The following XIRP2 variants were observed in gnomAD, a reference collection of about 807,000 sequenced individuals.
The protein encoded by XIRP2 is xin actin binding repeat containing 2.
XIRP2 carries 236 observed loss-of-function variants against 277.0 expected under a neutral mutation model. The observed-to-expected ratio is 0.85, with a 90% CI of 0.77 to 0.95. The LOEUF (loss-of-function observed/expected upper bound fraction) is 0.95, where lower values mean the gene tolerates loss of function less well. Ranked by LOEUF, XIRP2 falls within the 40% of genes least tolerant of loss-of-function variation. The pLI is 0.00. For missense variants in XIRP2, 4,640 were observed against 4,157.5 expected (o/e 1.12, Z -3.19); for synonymous variants, 1,490 against 1,416.5 (o/e 1.05, Z -1.17).
intron 2 of XIRP2, among the ~76,000 whole-genome samples, chr2:166,947,735 T>C (rs1212710544): frequency 2.6e-5 from 4 of 152,120 alleles, no homozygotes; most frequent in Non-Finnish European, 5.9e-5. Flanking sequence ...TAGCATATGA[T>C]CCAGGACTTG....
intron 2 of XIRP2, among the ~76,000 whole-genome samples, chr2:166,951,913 A>T (rs748056948): frequency 6.6e-6 from 1 of 152,008 alleles, no homozygotes; most frequent in African/African-American, 2.4e-5. Context: ...TGCGTCTCCT[A>T]TGAGAGGCAG....
At chr2:166,914,548 G>A (rs1684810490) in intron 2 of XIRP2, among the ~76,000 whole-genome samples, 1 of 152,020 alleles carries the variant, frequency 6.6e-6, no homozygotes. Flanking sequence ...CACCATGTTA[G>A]CCAGGATGAT....
chr2:166,902,665 T>C (rs1158151384), intron 1 of XIRP2, among the ~76,000 whole-genome samples: 5 of 151,894 alleles, frequency 3.3e-5, no homozygotes, highest in Non-Finnish European at 7.4e-5. Flanking sequence ...TTCCTTATCG[T>C]ACCACAAAAC....
At chr2:167,070,363 C>G (rs1241582424) in intron 2 of XIRP2, among the ~76,000 whole-genome samples, 3 of 152,040 alleles carry the variant, frequency 2.0e-5, no homozygotes, top group Non-Finnish European at 4.4e-5. Flanking sequence ...CTAACAATGC[C>G]CAGTTCCAGA....
At chr2:167,164,186 A>T (rs1692454779) in intron 3 of XIRP2, among the ~76,000 whole-genome samples, 1 of 152,120 alleles carries the variant, frequency 6.6e-6, no homozygotes, top group Non-Finnish European at 1.5e-5. Flanking sequence ...CACGCCTGTA[A>T]TCCCGGCACT....
chr2:167,035,479 C>T (rs1173238533), intron 2 of XIRP2, among the ~76,000 whole-genome samples: 2 of 152,094 alleles, frequency 1.3e-5, no homozygotes, highest in Non-Finnish European at 2.9e-5. Flanking sequence ...TTGCCCCTGC[C>T]TTAGGGATTT....
chr2:167,226,937 A>G (rs957182130), intron 5 of XIRP2, among the ~76,000 whole-genome samples: 2 of 152,148 alleles, frequency 1.3e-5, no homozygotes, highest in Non-Finnish European at 2.9e-5. Context: ...AGCCCTCTTT[A>G]TGCCGGGTTG....
At chr2:166,940,110 C>A (rs1440512046) in intron 2 of XIRP2, among the ~76,000 whole-genome samples, 1 of 152,146 alleles carries the variant, frequency 6.6e-6, no homozygotes, top group Non-Finnish European at 1.5e-5. Context: ...TTTTCTTTCA[C>A]CTAATCCAAT....
intron 2 of XIRP2, among the ~76,000 whole-genome samples, chr2:167,052,721 A>G (rs1289384269): frequency 6.6e-6 from 1 of 152,192 alleles, no homozygotes; most frequent in Admixed American, 6.5e-5. Flanking sequence ...ACCCTGATCC[A>G]AAAGCCATTT....
intron 2 of XIRP2, among the ~76,000 whole-genome samples, chr2:167,061,428 C>A (rs1177131726): frequency 6.6e-6 from 1 of 151,500 alleles, no homozygotes; most frequent in African/African-American, 2.4e-5. Flanking sequence ...CCTTTTTTTC[C>A]GCATCTTAGA....
At chr2:167,170,012 T>A (rs111388050) in intron 3 of XIRP2, among the ~76,000 whole-genome samples, 3,851 of 152,212 alleles carry the variant, frequency 0.025, 68 homozygotes, top group East Asian at 0.048. Context: ...AAAGCATTCA[T>A]TTTATTGTGT....
At chr2:166,939,577 G>A (rs536352096) in intron 2 of XIRP2, among the ~76,000 whole-genome samples, 3 of 151,206 alleles carry the variant, frequency 2.0e-5, no homozygotes, top group South Asian at 4.2e-4. Flanking sequence ...CTACTCGGGA[G>A]GCTGGGGCAG....
chr2:167,052,074 T>A (rs192820972), intron 2 of XIRP2, among the ~76,000 whole-genome samples: 70 of 152,124 alleles, frequency 4.6e-4, no homozygotes, highest in African/African-American at 1.7e-3. Context: ...ATAAAGTCAC[T>A]TCAGAAAAAA....
intron 2 of XIRP2, among the ~76,000 whole-genome samples, chr2:167,114,788 T>C (rs1199149630): frequency 6.6e-6 from 1 of 152,242 alleles, no homozygotes; most frequent in Non-Finnish European, 1.5e-5. Flanking sequence ...TCCTTTTTTA[T>C]GGCTGCATAA....
intron 2 of XIRP2, among the ~76,000 whole-genome samples, chr2:167,105,475 G>A (rs1690593634): frequency 6.6e-6 from 1 of 151,822 alleles, no homozygotes. Flanking sequence ...TTGAGTATAT[G>A]TACAAATAGT....
intron 2 of XIRP2, among the ~76,000 whole-genome samples, chr2:167,013,157 C>G (rs1687728484): frequency 6.6e-6 from 1 of 151,170 alleles, no homozygotes; most frequent in Non-Finnish European, 1.5e-5. Flanking sequence ...GTTATTTTCT[C>G]TTTGCCTTTA....
rs1211564384 is a variant in XIRP2, at chr2:167,244,065, T to C, written c.2673T>C (p.Pro891=). 3 of 1,613,652 alleles carry C rather than the reference T, an allele frequency of 1.9e-6. No individual in the cohort carries two copies. The highest frequency in any genetic ancestry group is 2.7e-5 in the African/African-American group (2 of 74,834). Reference sequence around the variant, plus strand: ...CAATTGAAGCATTAAAAGACAGTCCTGATATAGGAAAGCTTCAAAAAATCA... The same window carrying C: ...CAATTGAAGCATTAAAAGACAGTCCCGATATAGGAAAGCTTCAAAAAATCA... ...TLPIEALKDS[P]DIGKLQKITA... Residue 891 remains proline (P), a synonymous_variant, in exon 9 of 11, where the codon CCT becomes CCC. Coordinates refer to ENST00000409195, the MANE Select transcript of XIRP2 (RefSeq NM_152381.6).
intron 1 of XIRP2, among the ~76,000 whole-genome samples, chr2:166,892,981 TACAC>T (rs768482855): frequency 6.4e-4 from 91 of 143,096 alleles, no homozygotes; most frequent in African/African-American, 1.8e-3. Context: ...TATATGTATA[TACAC>T]ACACACACAC....
At chr2:167,088,699 T>A (rs1287438253) in intron 2 of XIRP2, among the ~76,000 whole-genome samples, 1 of 152,140 alleles carries the variant, frequency 6.6e-6, no homozygotes, top group East Asian at 1.9e-4. Flanking sequence ...CCTTCCTCAA[T>A]TCCCCCAAAT....
Sources: allele counts gnomAD v4.1 joint callset (sites outside exome capture counted in the v4.1 genomes callset), GRCh38; gene constraint gnomAD v4.1.1; transcripts MANE v1.5; gene names NCBI Gene and HGNC (gene_info 2026-07-23, HGNC 2026-07-21).